The following CTNND2 variants were observed in gnomAD, a reference collection of about 807,000 sequenced individuals.
CTNND2 encodes catenin delta 2, also known as catenin delta-2.
In CTNND2, 22 loss-of-function variants were observed where a neutral mutation model predicts 144.4. The observed-to-expected ratio is 0.15, with a 90% confidence interval of 0.11 to 0.22. The LOEUF is 0.22. Ranked by LOEUF, CTNND2 falls within the 10% of genes least tolerant of loss-of-function variation. The probability of loss-of-function intolerance (pLI) is 1.00; values close to 1 mark genes in which losing one functional copy is unlikely to be tolerated. For missense variants in CTNND2, 1,353 were observed against 1,618.8 expected, an observed-to-expected ratio of 0.84 and a Z score of 2.82; for synonymous variants, 751 against 695.6, an observed-to-expected ratio of 1.08 and a Z score of -1.25.
intron 9 of CTNND2, among the ~76,000 whole-genome samples, chr5:11,309,146 G>A (rs990631184): frequency 1.3e-5 from 2 of 152,164 alleles, no homozygotes; most frequent in African/African-American, 2.4e-5. Flanking sequence ...ATCAGCACCC[G>A]CACAGAGTTC....
chr5:11,607,518 C>T (rs1283416356), intron 2 of CTNND2, among the ~76,000 whole-genome samples: 1 of 152,088 alleles, frequency 6.6e-6, no homozygotes, highest in African/African-American at 2.4e-5. Context: ...ATTTATTTCT[C>T]AAGCACAAAT....
At chr5:11,728,834 G>T (rs956562736) in intron 2 of CTNND2, among the ~76,000 whole-genome samples, 1 of 151,982 alleles carries the variant, frequency 6.6e-6, no homozygotes, top group Admixed American at 6.6e-5. Context: ...TTTACATATG[G>T]TTGTCTTATA....
At chr5:11,221,582 G>C (rs1739796370) in intron 10 of CTNND2, among the ~76,000 whole-genome samples, 1 of 152,224 alleles carries the variant, frequency 6.6e-6, no homozygotes, top group African/African-American at 2.4e-5. Context: ...GAAATCTTAG[G>C]AGATGACGGC....
At chr5:11,234,558 T>C (rs1741398545) in intron 10 of CTNND2, among the ~76,000 whole-genome samples, 1 of 152,200 alleles carries the variant, frequency 6.6e-6, no homozygotes, top group African/African-American at 2.4e-5. Context: ...GGAAGGCCTG[T>C]GTTCACCACA....
At chr5:11,393,015 C>A (rs1009072785) in intron 6 of CTNND2, among the ~76,000 whole-genome samples, 4 of 152,102 alleles carry the variant, frequency 2.6e-5, no homozygotes, top group African/African-American at 9.7e-5. Context: ...TTCACATCCA[C>A]CCGCATGAGT....
intron 10 of CTNND2, among the ~76,000 whole-genome samples, chr5:11,200,462 C>T (rs1420916754): frequency 1.3e-5 from 2 of 152,158 alleles, no homozygotes; most frequent in African/African-American, 2.4e-5. Flanking sequence ...ATTAGCAAAG[C>T]TGCATCTGAA....
chr5:11,381,809 T>C (rs534803892), intron 7 of CTNND2, among the ~76,000 whole-genome samples: 45 of 151,602 alleles, frequency 3.0e-4, no homozygotes, highest in African/African-American at 9.9e-4. Context: ...CTACTAAAAA[T>C]ACAAAAAATT....
chr5:11,622,307 C>T (rs2727582), intron 2 of CTNND2, among the ~76,000 whole-genome samples: 3,758 of 152,168 alleles, frequency 0.025, 152 homozygotes, highest in African/African-American at 0.086. Context: ...AGTAAATGAA[C>T]TTATTTTCTT....
intron 9 of CTNND2, among the ~76,000 whole-genome samples, chr5:11,313,862 G>C (rs1302730962): frequency 6.6e-6 from 1 of 152,148 alleles, no homozygotes; most frequent in Non-Finnish European, 1.5e-5. Context: ...TTAAGGGGAA[G>C]CAGGAACGTC....
intron 3 of CTNND2, among the ~76,000 whole-genome samples, chr5:11,432,808 A>G (rs189219310): frequency 1.4e-3 from 217 of 152,340 alleles, no homozygotes; most frequent in African/African-American, 5.0e-3. Context: ...TGAATATCTT[A>G]CGTTTCTCTA....
chr5:11,702,504 C>A (rs1475829017), intron 2 of CTNND2, among the ~76,000 whole-genome samples: 1 of 152,128 alleles, frequency 6.6e-6, no homozygotes, highest in Non-Finnish European at 1.5e-5. Flanking sequence ...CCTTGATCAG[C>A]TCTGCTTCTC....
intron 1 of CTNND2, among the ~76,000 whole-genome samples, chr5:11,829,176 A>T (rs72736661): frequency 0.041 from 6,294 of 152,294 alleles, 187 homozygotes; most frequent in Admixed American, 0.072. Context: ...CAGAGCATAA[A>T]AGTTTGAAAA....
chr5:11,718,038 T>C lies in CTNND2; in HGVS notation c.174+14098A>G, dbSNP rs542625670. On this transcript the variant is annotated intron_variant, in intron 2 of 21. Transcript: ENST00000304623. ...AAACATCAGGACTCTTGAAATGAAT[T>C]TCGCACATTCAATTCAATCTCAGTG... is the stretch of plus-strand genomic sequence containing the variant. Among the ~76,000 whole-genome samples the C allele has an allele frequency of 7.9e-5, 12 of 152,350 alleles. No homozygotes were observed. The East Asian group carries it at 2.1e-3, about 27-fold the overall frequency.
intron 18 of CTNND2, among the ~76,000 whole-genome samples, chr5:10,999,509 G>A (rs533372120): frequency 1.3e-5 from 2 of 152,230 alleles, no homozygotes; most frequent in South Asian, 2.1e-4. Flanking sequence ...GAATCACCAC[G>A]GTAACCGGGG....
intron 1 of CTNND2, among the ~76,000 whole-genome samples, chr5:11,876,298 GGAGAGGC>G (rs1471381345): frequency 6.6e-6 from 1 of 151,262 alleles, no homozygotes; most frequent in Non-Finnish European, 1.5e-5. Flanking sequence ...AGTGGAAAGG[GGAGAGGC>G]GAGAGGGGAG....
At chr5:11,781,504 T>C (rs1790540837) in intron 1 of CTNND2, among the ~76,000 whole-genome samples, 1 of 152,312 alleles carries the variant, frequency 6.6e-6, no homozygotes, top group Non-Finnish European at 1.5e-5. Flanking sequence ...TTATTGCCCT[T>C]CAACTTTTTG....
chr5:11,079,360 T>C (rs1269467035), intron 16 of CTNND2, among the ~76,000 whole-genome samples: 3 of 152,224 alleles, frequency 2.0e-5, no homozygotes, highest in Non-Finnish European at 2.9e-5. Context: ...CTGCCAGATT[T>C]CATGCTGTCA....
chr5:11,179,233 C>T (rs944592255), intron 11 of CTNND2, among the ~76,000 whole-genome samples: 1 of 151,768 alleles, frequency 6.6e-6, no homozygotes, highest in African/African-American at 2.4e-5. Flanking sequence ...ATGGAGGTTG[C>T]GGTGAACCGA....
chr5:11,670,729 A>G (rs982703580), intron 2 of CTNND2, among the ~76,000 whole-genome samples: 2 of 151,912 alleles, frequency 1.3e-5, no homozygotes, highest in African/African-American at 4.8e-5. Context: ...TCTTTATCCA[A>G]TTTGCCAGTC....
Sources: allele counts gnomAD v4.1 joint callset (sites outside exome capture counted in the v4.1 genomes callset), GRCh38; gene constraint gnomAD v4.1.1; transcripts MANE v1.5; gene names NCBI Gene and HGNC (gene_info 2026-07-23, HGNC 2026-07-21).